AURKA: variants seen among roughly 807,000 people sequenced by gnomAD.
The protein encoded by AURKA is aurora kinase A.
In AURKA, 12 loss-of-function variants were observed where a neutral mutation model predicts 40.9. The observed-to-expected ratio is 0.29, with a 90% CI of 0.19 to 0.48. AURKA has a LOEUF of 0.48. Among genes scored for constraint, AURKA ranks in the 20% least tolerant of loss-of-function variants. AURKA has a pLI of 0.99. For missense variants in AURKA, 322 were observed against 462.1 expected, an observed-to-expected ratio of 0.70 and a Z score of 2.78; for synonymous variants, 170 against 164.3, an observed-to-expected ratio of 1.03 and a Z score of -0.26.
intron 1 of AURKA, 29 bp from the exon 2 acceptor site, chr20:56,388,231 T>C (rs1569093691): frequency 9.4e-7 from 1 of 1,061,664 alleles, no homozygotes; most frequent in Admixed American, 3.6e-5. Context: ...ACCTTTAATT[T>C]GAACAAAGCC....
chr20:56,377,484 T>C (rs1302309632), intron 6 of AURKA, among the ~76,000 whole-genome samples: 1 of 150,658 alleles, frequency 6.6e-6, no homozygotes, highest in Non-Finnish European at 1.5e-5. Context: ...AGATGGCAAA[T>C]AAACACATAA....
chr20:56,386,160 G>A, intron 3 of AURKA, 97 bp downstream of exon 3: 9 of 1,525,250 alleles, frequency 5.9e-6, no homozygotes, highest in Non-Finnish European at 8.2e-6. Context: ...AGATATAAAA[G>A]CTAAGGCTCC....
intron 5 of AURKA, 101 bp downstream of exon 5, chr20:56,382,884 G>A (rs1169899881): frequency 1.5e-6 from 2 of 1,291,724 alleles, no homozygotes; most frequent in South Asian, 1.2e-5. Flanking sequence ...TGCCTCGTAA[G>A]AGGGAGTGAA....
At chr20:56,388,331 C>T (rs1986638531) in intron 1 of AURKA, 129 bp from the exon 2 acceptor site, 1 of 864,738 alleles carries the variant, frequency 1.2e-6, no homozygotes. Context: ...CATGTTTTGT[C>T]CAAATGAAGC....
chr20:56,378,791 C>T (rs1402482202), intron 6 of AURKA, among the ~76,000 whole-genome samples: 1 of 152,164 alleles, frequency 6.6e-6, no homozygotes, highest in East Asian at 1.9e-4. Context: ...CCTAAAAAAG[C>T]TACATACTGT....
In AURKA at chr20:56,370,214, T is replaced by G. The variant is rs763051712; in HGVS notation, c.1156A>C (p.Asn386His). ...TGGCAATTTGATGGTTTTGATGAAT[T>G]TGCTGTGATCCAGGGGTGTTCAAGT... ...EVLEHPWITA[N>H]SSKPSNCQNK... Residue 386 changes from asparagine to histidine, a missense_variant, in exon 9 of 9, where the codon AAT becomes CAT. Coordinates refer to ENST00000395915, the MANE Select transcript of AURKA (RefSeq NM_198437.3). The G allele has an allele frequency of 7.1e-5, 115 of 1,613,760 alleles. 1 individual carries two copies. In the South Asian group the frequency reaches 1.2e-3, roughly 17 times the overall value.
chr20:56,376,802 G>A (rs545167681), intron 6 of AURKA, among the ~76,000 whole-genome samples: 112 of 152,308 alleles, frequency 7.4e-4, no homozygotes, highest in African/African-American at 2.4e-3. Context: ...CTGGGAGGCC[G>A]GGTACAGTGG....
At chr20:56,370,763 G>A (rs1984052036) in intron 7 of AURKA, 104 bp from the exon 8 acceptor site, 2 of 1,260,140 alleles carry the variant, frequency 1.6e-6, no homozygotes, top group Admixed American at 2.1e-5. Context: ...CTTCCCCTGG[G>A]CCAGATCCTG....
chr20:56,390,879 G>A (rs745933590), intron 1 of AURKA, among the ~76,000 whole-genome samples: 7 of 152,134 alleles, frequency 4.6e-5, no homozygotes, highest in Non-Finnish European at 8.8e-5. Flanking sequence ...ATTCTAAGTA[G>A]CAGTCTAATG....
chr20:56,379,085 A>T (rs1361926567), intron 6 of AURKA, among the ~76,000 whole-genome samples: 1 of 152,218 alleles, frequency 6.6e-6, no homozygotes, highest in Non-Finnish European at 1.5e-5. Context: ...AAAAAATCTC[A>T]TTGCATTACA....
chr20:56,378,205 A>T (rs1411129068), intron 6 of AURKA, among the ~76,000 whole-genome samples: 1 of 152,134 alleles, frequency 6.6e-6, no homozygotes, highest in East Asian at 1.9e-4. Flanking sequence ...GTTGGCAACT[A>T]TGAGAAGCAA....
At chr20:56,382,289 G>A (rs895327003) in intron 5 of AURKA, among the ~76,000 whole-genome samples, 2 of 152,210 alleles carry the variant, frequency 1.3e-5, no homozygotes, top group South Asian at 2.1e-4. Context: ...CTGGGCAGGT[G>A]CAGACTGTGG....
At chr20:56,376,749 A>G (rs933590493) in intron 6 of AURKA, among the ~76,000 whole-genome samples, 2 of 152,212 alleles carry the variant, frequency 1.3e-5, no homozygotes, top group Non-Finnish European at 2.9e-5. Flanking sequence ...CACAATCATG[A>G]AAGAAAAAAC....
At chr20:56,377,199 C>A (rs1295408661) in intron 6 of AURKA, among the ~76,000 whole-genome samples, 8 of 152,128 alleles carry the variant, frequency 5.3e-5, no homozygotes, top group Non-Finnish European at 1.2e-4. Context: ...ATCACTTGAG[C>A]TCAACAGGCA....
At chr20:56,370,407 C>G (rs1030848390) in intron 8 of AURKA, 67 bp from the exon 9 acceptor site, 6 of 1,613,606 alleles carry the variant, frequency 3.7e-6, no homozygotes, top group Non-Finnish European at 5.1e-6. Flanking sequence ...TATAGATGTT[C>G]GGATCTTGGC....
At chr20:56,378,691 T>C (rs559292404) in intron 6 of AURKA, among the ~76,000 whole-genome samples, 1 of 152,306 alleles carries the variant, frequency 6.6e-6, no homozygotes, top group African/African-American at 2.4e-5. Context: ...TGGAATATGA[T>C]TTTGTGATAA....
intron 5 of AURKA, 149 bp from the exon 6 acceptor site, chr20:56,381,720 C>G: frequency 1.1e-6 from 1 of 926,736 alleles, no homozygotes. Flanking sequence ...AACTATAAAC[C>G]CACTCCAAGA....
rs8173 is a variant in AURKA, at chr20:56,369,735, C to G, written c.*423G>C. ...TCATTCCAACAGCTTTACCAGGCTT[C>G]GCCAACCCAATAAGTTACACACTCA... On this transcript the variant is annotated 3_prime_UTR_variant, in exon 9 of 9. Coordinates refer to ENST00000395915, the MANE Select transcript of AURKA (RefSeq NM_198437.3). 137,078 of 362,708 alleles carry G rather than the reference C, an allele frequency of 0.38. 30,747 individuals are homozygous for G. The highest frequency in any genetic ancestry group is 0.67 in the African/African-American group (33,674 of 50,176). 22.5% of individuals were successfully genotyped at this position (362,708 alleles called of 1,614,324 possible).
At chr20:56,387,866 C>T (rs1986557277) in intron 2 of AURKA, among the ~76,000 whole-genome samples, 1 of 152,026 alleles carries the variant, frequency 6.6e-6, no homozygotes, top group African/African-American at 2.4e-5. Context: ...ATATTTATGG[C>T]CAATTTTAAA....
Sources: allele counts gnomAD v4.1 joint callset (sites outside exome capture counted in the v4.1 genomes callset), GRCh38; gene constraint gnomAD v4.1.1; transcripts MANE v1.5; gene names NCBI Gene and HGNC (gene_info 2026-07-23, HGNC 2026-07-21).